Variants in TBC1D32 observed in about 807,000 individuals in gnomAD.
TBC1D32 encodes the protein protein broad-minded.
TBC1D32 carries 151 observed loss-of-function variants against 170.3 expected under a neutral mutation model. That is an observed-to-expected ratio of 0.89 (90% CI 0.78 to 1.01). The LOEUF (loss-of-function observed/expected upper bound fraction) is 1.01. TBC1D32 is among the 50% of genes least tolerant of loss of function. The pLI is 0.00. For missense variants in TBC1D32, 1,464 were observed against 1,457.1 expected, an observed-to-expected ratio of 1.00 and a Z score of -0.08; for synonymous variants, 498 against 488.0, an observed-to-expected ratio of 1.02 and a Z score of -0.27.
rs116041751 is a variant in TBC1D32, at chr6:121,248,924, G to A, written c.2018+6404C>T. Among the ~76,000 whole-genome samples, 1,351 of 151,860 alleles carry A rather than the reference G, an allele frequency of 8.9e-3. 25 individuals are homozygous for A. The highest frequency in any genetic ancestry group is 0.031 in the African/African-American group (1,277 of 41,494). On this transcript the variant is annotated intron_variant, in intron 17 of 31. Coordinates refer to ENST00000398212, the MANE Select transcript of TBC1D32 (RefSeq NM_152730.6). ...TACTGAAACTATTCCAAAAGATAAA[G>A]AGAGAATCCTTCCTAAATCTATCTA...
intron 22 of TBC1D32, among the ~76,000 whole-genome samples, chr6:121,174,321 T>C (rs778719879): frequency 6.6e-6 from 1 of 152,252 alleles, no homozygotes; most frequent in East Asian, 1.9e-4. Flanking sequence ...TAACATGATA[T>C]ATCTTTAAAG....
At chr6:121,206,565 T>G (rs1792303105) in intron 21 of TBC1D32, among the ~76,000 whole-genome samples, 2 of 152,150 alleles carry the variant, frequency 1.3e-5, no homozygotes, top group Non-Finnish European at 1.5e-5. Flanking sequence ...TGAAAAACAC[T>G]AATCAGATAC....
rs1298924740 is a variant in TBC1D32 at position 121,092,307 on chromosome 6, T to TG, written c.3466-1267_3466-1266insC. On this transcript the variant is annotated intron_variant, in intron 30 of 31. Transcript: ENST00000398212. The stretch of plus-strand genomic sequence containing the variant: ...TTCAGTTTTATGTTTTTTTTTTTTT[T>TG]TTTTTTTTTTTTTTTTGGAGATGTG... Among the ~76,000 whole-genome samples, 23 of 137,902 alleles carry TG rather than the reference T, an allele frequency of 1.7e-4. No homozygotes were observed. In the East Asian group the frequency reaches 4.6e-3, roughly 27 times the overall value. The allele number at this position is 137,902 out of a possible 152,430, so 90.5% of individuals were successfully genotyped here. A position where few individuals can be genotyped will look rare whatever the true frequency, so the allele number is the denominator to read the frequency against.
intron 15 of TBC1D32, among the ~76,000 whole-genome samples, chr6:121,271,894 G>A (rs1801491560): frequency 6.6e-6 from 1 of 152,046 alleles, no homozygotes; most frequent in Admixed American, 6.6e-5. Flanking sequence ...GCATGGTACT[G>A]GTACCAAAAC....
chr6:121,157,610 G>A (rs1785073955), intron 24 of TBC1D32, among the ~76,000 whole-genome samples: 1 of 152,066 alleles, frequency 6.6e-6, no homozygotes, highest in Non-Finnish European at 1.5e-5. Flanking sequence ...TGTGAGTTAT[G>A]TGCTTTAGTG....
chr6:121,242,075 A>T, intron 18 of TBC1D32, 126 bp downstream of exon 18: 1 of 943,094 alleles, frequency 1.1e-6, no homozygotes, highest in Non-Finnish European at 1.5e-6. Flanking sequence ...GTTGACTATT[A>T]CAATGCTATA....
chr6:121,202,387 TA>T (rs1791702878), intron 22 of TBC1D32, among the ~76,000 whole-genome samples: 1 of 149,594 alleles, frequency 6.7e-6, no homozygotes, highest in Non-Finnish European at 1.5e-5. Context: ...AATGGTCCCC[TA>T]TATCAAATGC....
intron 22 of TBC1D32, among the ~76,000 whole-genome samples, chr6:121,192,812 C>T (rs1583160558): frequency 6.7e-6 from 1 of 150,054 alleles, no homozygotes; most frequent in East Asian, 1.9e-4. Flanking sequence ...ACATCTCCTC[C>T]CTGACCCATG....
chr6:121,179,820 G>C (rs901230290), intron 22 of TBC1D32, among the ~76,000 whole-genome samples: 1 of 152,096 alleles, frequency 6.6e-6, no homozygotes, highest in African/African-American at 2.4e-5. Context: ...GAGAGTTGTA[G>C]TGTATTTAGT....
chr6:121,128,047 C>T lies in TBC1D32; in HGVS notation c.2900-1586G>A, dbSNP rs1190064044. ...TAAGAGTCACATGACCAACTTCATACGTAGCAAGCCACACTATTTTCTGGC... is the reference window on the plus strand; with the variant it reads ...TAAGAGTCACATGACCAACTTCATATGTAGCAAGCCACACTATTTTCTGGC... On this transcript the variant is annotated intron_variant, in intron 25 of 31. Transcript: ENST00000398212. 3.3e-5 allele frequency among the ~76,000 whole-genome samples: 5 copies of T among 152,248 alleles called. No individual in the cohort carries two copies. The East Asian group carries it at 5.8e-4, about 18-fold the overall frequency.
chr6:121,172,793 A>G (rs745770167), intron 22 of TBC1D32, among the ~76,000 whole-genome samples: 5 of 152,204 alleles, frequency 3.3e-5, no homozygotes, highest in Non-Finnish European at 7.3e-5. Context: ...ACGTAGAGTT[A>G]TTGACTTCAT....
At chr6:121,095,372 G>A (rs897869300) in intron 30 of TBC1D32, among the ~76,000 whole-genome samples, 1 of 152,046 alleles carries the variant, frequency 6.6e-6, no homozygotes, top group Non-Finnish European at 1.5e-5. Flanking sequence ...ATCTTCAAAG[G>A]TTCTCATAAG....
intron 31 of TBC1D32, among the ~76,000 whole-genome samples, chr6:121,086,819 C>G (rs953819805): frequency 3.9e-5 from 6 of 152,134 alleles, no homozygotes. Context: ...ACTAGGACAT[C>G]CACATATGAA....
rs1435211577 is a variant in TBC1D32 at position 121,080,010 on chromosome 6, T to C, written c.*761A>G. On this transcript the variant is annotated 3_prime_UTR_variant, in exon 32 of 32. Coordinates refer to ENST00000398212, the MANE Select transcript of TBC1D32 (RefSeq NM_152730.6). ...TTGCCATGGTAAATAGTATCATTGT[T>C]CTTCCACATGTAAAAGAAGCAGCTG... The C allele has an allele frequency of 2.0e-5, 3 of 152,190 alleles. No homozygotes were observed. The highest frequency in any genetic ancestry group is 4.4e-5 in the Non-Finnish European group (3 of 68,030). The allele number at this position is 152,190 out of a possible 1,614,324, so 9.4% of individuals were successfully genotyped here. A position where few individuals can be genotyped will look rare whatever the true frequency, so the allele number is the denominator to read the frequency against.
intron 2 of TBC1D32, among the ~76,000 whole-genome samples, chr6:121,318,787 A>G: frequency 6.6e-6 from 1 of 151,268 alleles, no homozygotes; most frequent in South Asian, 2.1e-4. Context: ...GTGTGTGTGT[A>G]TATATACATA....
chr6:121,283,421 T>G (rs1190123046), intron 13 of TBC1D32, among the ~76,000 whole-genome samples: 1 of 151,846 alleles, frequency 6.6e-6, no homozygotes, highest in Non-Finnish European at 1.5e-5. Flanking sequence ...ATTGGAGTTT[T>G]GGATGTAAGC....
intron 19 of TBC1D32, among the ~76,000 whole-genome samples, chr6:121,239,738 A>G (rs1272062352): frequency 1.3e-5 from 2 of 152,186 alleles, no homozygotes; most frequent in African/African-American, 4.8e-5. Flanking sequence ...TTAAATTCTT[A>G]CGAGTCATAC....
chr6:121,285,366 A>C (rs111492851), intron 12 of TBC1D32, among the ~76,000 whole-genome samples: 8 of 152,168 alleles, frequency 5.3e-5, no homozygotes, highest in African/African-American at 1.9e-4. Context: ...GAATACATTT[A>C]ATTATTTCAG....
At position 121,161,983 on chromosome 6, in the gene TBC1D32, T is replaced by C. The variant is rs567812127; in HGVS notation, c.2571-927A>G. Among the ~76,000 whole-genome samples, 4 of 152,354 alleles carry C rather than the reference T, an allele frequency of 2.6e-5. No homozygotes were observed. In the South Asian group the frequency reaches 8.3e-4, roughly 32 times the overall value. On this transcript the variant is annotated intron_variant, in intron 22 of 31. Coordinates refer to ENST00000398212, the MANE Select transcript of TBC1D32 (RefSeq NM_152730.6). Reference sequence around the variant, plus strand: ...TTTGTTGGCCACATGTATGTCTTCTTTTGAGAAGCATCTGTTCATGTCCTT... The same window carrying C: ...TTTGTTGGCCACATGTATGTCTTCTCTTGAGAAGCATCTGTTCATGTCCTT...
Sources: gnomAD v4.1 joint callset for allele counts (sites outside exome capture counted in the v4.1 genomes callset) on GRCh38, gnomAD v4.1.1 for gene constraint, MANE v1.5 for transcripts, NCBI Gene and HGNC (gene_info 2026-07-23, HGNC 2026-07-21) for gene names.